CEP112: variants seen among roughly 807,000 people sequenced by gnomAD.
CEP112 encodes the protein centrosomal protein of 112 kDa.
In CEP112, 127 loss-of-function variants were observed where a neutral mutation model predicts 153.0. The ratio of observed to expected loss-of-function variants is 0.83; its 90% CI spans 0.72 to 0.96. CEP112 has a LOEUF of 0.96. Among genes scored for constraint, CEP112 ranks in the 40% least tolerant of loss-of-function variants. The pLI is 0.00. For missense variants in CEP112, 1,089 were observed against 1,101.2 expected, an observed-to-expected ratio of 0.99 and a Z score of 0.16; for synonymous variants, 358 against 374.4, an observed-to-expected ratio of 0.96 and a Z score of 0.51.
chr17:66,053,465 T>TG (rs1222655081), intron 12 of CEP112, among the ~76,000 whole-genome samples: 1 of 151,740 alleles, frequency 6.6e-6, no homozygotes, highest in Non-Finnish European at 1.5e-5. Flanking sequence ...CCAGCCTGGG[T>TG]GACAGGGTGA....
intron 11 of CEP112, among the ~76,000 whole-genome samples, chr17:66,056,726 T>G (rs2066706451): frequency 6.6e-6 from 1 of 152,118 alleles, no homozygotes; most frequent in Non-Finnish European, 1.5e-5. Context: ...TTGAAGAGCC[T>G]GGGGTGTGGG....
At chr17:65,800,971 T>C (rs1170382520) in intron 21 of CEP112, among the ~76,000 whole-genome samples, 3 of 152,226 alleles carry the variant, frequency 2.0e-5, no homozygotes, top group Admixed American at 6.5e-5. Context: ...TTATGTCTTT[T>C]TGTTGTTGAC....
intron 23 of CEP112, among the ~76,000 whole-genome samples, chr17:65,692,460 C>T (rs1298339607): frequency 6.6e-6 from 1 of 152,082 alleles, no homozygotes; most frequent in African/African-American, 2.4e-5. Flanking sequence ...ATCTCCTGTC[C>T]TTGTGATCCA....
At chr17:65,716,582 G>A (rs1247457707) in intron 23 of CEP112, among the ~76,000 whole-genome samples, 2 of 152,084 alleles carry the variant, frequency 1.3e-5, no homozygotes, top group Non-Finnish European at 2.9e-5. Flanking sequence ...ATCTGAAAAA[G>A]ATTATTTAAC....
At chr17:65,847,694 G>A (rs1382316131) in intron 21 of CEP112, among the ~76,000 whole-genome samples, 1 of 152,178 alleles carries the variant, frequency 6.6e-6, no homozygotes. Flanking sequence ...ATGTTCTAGT[G>A]GGTGGGAGGA....
intron 16 of CEP112, among the ~76,000 whole-genome samples, chr17:66,023,946 A>G (rs2065098089): frequency 6.6e-6 from 1 of 152,220 alleles, no homozygotes; most frequent in Admixed American, 6.5e-5. Context: ...CAAGTCCAAC[A>G]GCACATCAAA....
At chr17:66,058,086 C>T (rs2066770647) in intron 11 of CEP112, among the ~76,000 whole-genome samples, 1 of 110,810 alleles carries the variant, frequency 9.0e-6, no homozygotes, top group Non-Finnish European at 1.9e-5. Context: ...GGGCAAGACT[C>T]TAAAAAAAAC....
At chr17:65,864,981 T>C (rs927879897) in intron 20 of CEP112, among the ~76,000 whole-genome samples, 5 of 151,086 alleles carry the variant, frequency 3.3e-5, no homozygotes, top group African/African-American at 7.3e-5. Flanking sequence ...CATATCTATG[T>C]ACCTTTTATT....
At chr17:65,982,785 A>T (rs1432702481) in intron 17 of CEP112, among the ~76,000 whole-genome samples, 2 of 152,230 alleles carry the variant, frequency 1.3e-5, no homozygotes, top group Admixed American at 1.3e-4. Context: ...CACTATTCAC[A>T]ATAGCCAAAA....
intron 24 of CEP112, among the ~76,000 whole-genome samples, chr17:65,680,265 T>C (rs1275924892): frequency 2.0e-5 from 3 of 152,194 alleles, no homozygotes; most frequent in Non-Finnish European, 2.9e-5. Context: ...CCACCCCGGA[T>C]GAAAATGATA....
chr17:65,702,168 G>C (rs996358083), intron 23 of CEP112, among the ~76,000 whole-genome samples: 1 of 152,006 alleles, frequency 6.6e-6, no homozygotes, highest in Non-Finnish European at 1.5e-5. Flanking sequence ...GAGCCACTGC[G>C]CCTGGCCTAA....
intron 4 of CEP112, among the ~76,000 whole-genome samples, chr17:66,137,746 G>T (rs1217532082): frequency 6.6e-6 from 1 of 152,114 alleles, no homozygotes; most frequent in Non-Finnish European, 1.5e-5. Flanking sequence ...ATGAAAGAGA[G>T]ATACGGTCCC....
chr17:65,724,543 T>A (rs919408867), intron 23 of CEP112, among the ~76,000 whole-genome samples: 2 of 152,230 alleles, frequency 1.3e-5, no homozygotes, highest in African/African-American at 4.8e-5. Context: ...TAACTTCACT[T>A]TTCTCTCAGT....
At chr17:65,834,745 G>C (rs566030800) in intron 21 of CEP112, among the ~76,000 whole-genome samples, 1 of 152,310 alleles carries the variant, frequency 6.6e-6, no homozygotes, top group East Asian at 1.9e-4. Flanking sequence ...TACACTGTCT[G>C]TGGGAGTGTA....
intron 20 of CEP112, among the ~76,000 whole-genome samples, chr17:65,861,797 T>G (rs2058318691): frequency 6.6e-6 from 1 of 152,206 alleles, no homozygotes; most frequent in Non-Finnish European, 1.5e-5. Flanking sequence ...TTGATTTGGG[T>G]GTAACGTGAT....
chr17:66,148,832 G>GACTTTT lies in CEP112; in HGVS notation c.471-16075_471-16070dup, dbSNP rs570419361. Among the ~76,000 whole-genome samples, 1,311 of 152,136 alleles carry GACTTTT rather than the reference G, an allele frequency of 8.6e-3. 28 individuals are homozygous for GACTTTT. The highest frequency in any genetic ancestry group is 0.03 in the African/African-American group (1,245 of 41,502). On this transcript the variant is annotated intron_variant, in intron 4 of 26. Transcript: ENST00000535342. ...TTCCTTCTTCCTTTTCATTTTGGATGACTTTTTCTTTTTCTTTTTCTTGCG... is the reference window on the plus strand; with the variant it reads ...TTCCTTCTTCCTTTTCATTTTGGATGACTTTTACTTTTTCTTTTTCTTTTTCTTGCG...
intron 2 of CEP112, among the ~76,000 whole-genome samples, chr17:66,179,723 T>C (rs1305619414): frequency 6.6e-6 from 1 of 152,214 alleles, no homozygotes; most frequent in Non-Finnish European, 1.5e-5. Flanking sequence ...TCCAATACTA[T>C]GCTGAATAAC....
At chr17:65,748,229 CT>C (rs1330712616) in intron 22 of CEP112, among the ~76,000 whole-genome samples, 2 of 152,320 alleles carry the variant, frequency 1.3e-5, no homozygotes, top group Non-Finnish European at 2.9e-5. Context: ...ATCATCCTAA[CT>C]TTTATGAGAA....
Position 65,846,771 on chromosome 17 carries a change from G to A in CEP112, c.2394+5033C>T, listed in dbSNP as rs552875598. Among the ~76,000 whole-genome samples the A allele has an allele frequency of 1.4e-4, 22 of 152,104 alleles. No homozygotes were observed. The East Asian group carries it at 2.9e-3, about 20-fold the overall frequency. Reference sequence around the variant, plus strand: ...TTTTTAGTAGAGACGGGGTTTCACCGTGTTAGCCAGGATGGTCTCGATCTC... The same window carrying A: ...TTTTTAGTAGAGACGGGGTTTCACCATGTTAGCCAGGATGGTCTCGATCTC... On this transcript the variant is annotated intron_variant, in intron 21 of 26. Transcript: ENST00000535342.
Sources: gnomAD v4.1 joint callset for allele counts (sites outside exome capture counted in the v4.1 genomes callset) on GRCh38, gnomAD v4.1.1 for gene constraint, MANE v1.5 for transcripts, NCBI Gene and HGNC (gene_info 2026-07-23, HGNC 2026-07-21) for gene names.